The following PDE10A variants were observed in gnomAD, a reference collection of about 807,000 sequenced individuals.
PDE10A encodes phosphodiesterase 10A, also known as cAMP and cAMP-inhibited cGMP 3',5'-cyclic phosphodiesterase 10A.
A neutral mutation model predicts 97.7 loss-of-function variants in PDE10A; 39 were observed. The observed-to-expected ratio is 0.40, with a 90% CI of 0.31 to 0.52. The LOEUF is 0.52. Among genes scored for constraint, PDE10A ranks in the 20% least tolerant of loss-of-function variants. The pLI, the probability that PDE10A is intolerant of heterozygous loss-of-function variation, is 0.56. For synonymous variants in PDE10A, 371 were observed against 376.8 expected, an observed-to-expected ratio of 0.98 and a Z score of 0.18; for missense variants, 731 against 1,047.8, an observed-to-expected ratio of 0.70 and a Z score of 4.17.
intron 5 of PDE10A, among the ~76,000 whole-genome samples, chr6:165,444,646 TTA>T (rs983080617): frequency 6.6e-6 from 1 of 152,042 alleles, no homozygotes; most frequent in Non-Finnish European, 1.5e-5. Context: ...TAATAATATT[TTA>T]TGTTTTAATT....
intron 1 of PDE10A, among the ~76,000 whole-genome samples, chr6:165,692,366 A>G (rs1386807499): frequency 3.3e-5 from 5 of 152,236 alleles, no homozygotes; most frequent in Admixed American, 6.5e-5. Flanking sequence ...GAGGAGCTGC[A>G]GGGTTTCCCA....
At chr6:165,891,153 T>G (rs1781781555) in intron 1 of PDE10A, among the ~76,000 whole-genome samples, 1 of 152,236 alleles carries the variant, frequency 6.6e-6, no homozygotes, top group Non-Finnish European at 1.5e-5. Context: ...TGTCCAGTGT[T>G]GCAGGTTTTT....
At chr6:165,769,211 T>C (rs1777941090) in intron 1 of PDE10A, among the ~76,000 whole-genome samples, 1 of 152,216 alleles carries the variant, frequency 6.6e-6, no homozygotes, top group Non-Finnish European at 1.5e-5. Context: ...ATTGAGTACT[T>C]GCTGCGTGGC....
intron 2 of PDE10A, among the ~76,000 whole-genome samples, chr6:165,489,844 C>A (rs967583112): frequency 6.6e-6 from 1 of 152,114 alleles, no homozygotes; most frequent in Non-Finnish European, 1.5e-5. Context: ...AATAGAAGAA[C>A]TCCAGAGCTC....
chr6:165,983,113 C>T (rs1479020790), intron 1 of PDE10A, among the ~76,000 whole-genome samples: 1 of 151,784 alleles, frequency 6.6e-6, no homozygotes, highest in African/African-American at 2.4e-5. Context: ...CAAATAACTT[C>T]AATGGACATC....
chr6:165,813,786 G>A (rs6934963), intron 1 of PDE10A, among the ~76,000 whole-genome samples: 5,514 of 34,980 alleles, frequency 0.16, 148 homozygotes, highest in South Asian at 0.33. Flanking sequence ...GATGCTAATC[G>A]CAGACAAAAA....
chr6:165,746,401 A>G lies in PDE10A; in HGVS notation c.-614-202833T>C, dbSNP rs112382435. 2.1e-3 allele frequency among the ~76,000 whole-genome samples: 318 copies of G among 152,340 alleles called. 1 individual carries two copies. The highest frequency in any genetic ancestry group is 3.5e-3 in the Non-Finnish European group (235 of 68,032). ...CACAGAATCCTGGGAATAGCATTGA[A>G]CAAGCTGGTCAAAGTCTCTGCCACC... On this transcript the variant is annotated intron_variant, in intron 1 of 19. Transcript: ENST00000366882.
At chr6:165,716,748 C>T (rs1792035302) in intron 1 of PDE10A, among the ~76,000 whole-genome samples, 1 of 152,194 alleles carries the variant, frequency 6.6e-6, no homozygotes, top group Non-Finnish European at 1.5e-5. Context: ...CTAAGGATGG[C>T]TCTGAGTGTC....
At chr6:165,787,126 TA>T (rs1334827880) in intron 1 of PDE10A, among the ~76,000 whole-genome samples, 1 of 152,060 alleles carries the variant, frequency 6.6e-6, no homozygotes, top group Non-Finnish European at 1.5e-5. Context: ...AGCTCTCTCT[TA>T]AAGAAGCGAG....
chr6:165,924,819 A>G (rs1782880834), intron 1 of PDE10A, among the ~76,000 whole-genome samples: 1 of 152,240 alleles, frequency 6.6e-6, no homozygotes, highest in Admixed American at 6.5e-5. Context: ...AAAACATTTA[A>G]AAGTAAGCAT....
intron 1 of PDE10A, among the ~76,000 whole-genome samples, chr6:165,879,842 T>C (rs1035912684): frequency 1.3e-5 from 2 of 152,134 alleles, no homozygotes; most frequent in African/African-American, 4.8e-5. Context: ...AATGAGTGGA[T>C]GTGAAAATCA....
chr6:165,430,780 T>C (rs1473313521), intron 8 of PDE10A, among the ~76,000 whole-genome samples: 1 of 152,140 alleles, frequency 6.6e-6, no homozygotes, highest in East Asian at 1.9e-4. Context: ...TTCTACTCCT[T>C]CTATTATCCT....
chr6:165,835,478 C>A (rs73031993), intron 1 of PDE10A, among the ~76,000 whole-genome samples: 179 of 152,348 alleles, frequency 1.2e-3, no homozygotes, highest in African/African-American at 3.9e-3. Flanking sequence ...GCACTGCCCA[C>A]GCCTCCTGTG....
chr6:165,978,440 G>C (rs112106525), intron 1 of PDE10A, among the ~76,000 whole-genome samples: 1 of 152,162 alleles, frequency 6.6e-6, no homozygotes, highest in Non-Finnish European at 1.5e-5. Context: ...TTAACCAAGC[G>C]ATCAAACTTA....
At chr6:165,608,910 C>A (rs1405782095) in intron 1 of PDE10A, among the ~76,000 whole-genome samples, 4 of 152,154 alleles carry the variant, frequency 2.6e-5, no homozygotes, top group African/African-American at 9.7e-5. Context: ...TAAATGTCTT[C>A]TTTTGAGAAG....
At chr6:165,968,917 T>C (rs1784592648) in intron 1 of PDE10A, among the ~76,000 whole-genome samples, 2 of 152,184 alleles carry the variant, frequency 1.3e-5, no homozygotes, top group Non-Finnish European at 1.5e-5. Flanking sequence ...ATCTTAAGGT[T>C]GAATGCAGCT....
At chr6:165,642,213 C>T (rs1789169498) in intron 1 of PDE10A, among the ~76,000 whole-genome samples, 1 of 152,240 alleles carries the variant, frequency 6.6e-6, no homozygotes, top group African/African-American at 2.4e-5. Flanking sequence ...GGGGCTAACA[C>T]AGTCTTTTCC....
At chr6:165,412,816 A>G (rs1787980204) in intron 13 of PDE10A, among the ~76,000 whole-genome samples, 1 of 152,176 alleles carries the variant, frequency 6.6e-6, no homozygotes, top group African/African-American at 2.4e-5. Context: ...TGAAAAGATC[A>G]CCATACTAAA....
intron 1 of PDE10A, among the ~76,000 whole-genome samples, chr6:165,684,238 C>A (rs2128440145): frequency 6.6e-6 from 1 of 152,266 alleles, no homozygotes; most frequent in East Asian, 1.9e-4. Context: ...TCCCAGAGGG[C>A]AGGGATATTT....
Sources: allele counts gnomAD v4.1 joint callset (sites outside exome capture counted in the v4.1 genomes callset), GRCh38; gene constraint gnomAD v4.1.1; transcripts MANE v1.5; gene names NCBI Gene and HGNC (gene_info 2026-07-23, HGNC 2026-07-21).